The following CDH20 variants were observed in gnomAD, a reference collection of about 807,000 sequenced individuals.
CDH20 encodes cadherin 20, also known as cadherin-20.
Under a neutral mutation model 74.2 loss-of-function variants are expected in CDH20, and 29 were observed. That is an observed-to-expected ratio of 0.39 (90% CI 0.29 to 0.53). The LOEUF (loss-of-function observed/expected upper bound fraction) is 0.53, where lower values mean the gene tolerates loss of function less well. Among genes scored for constraint, CDH20 ranks in the 20% least tolerant of loss-of-function variants. The pLI, the probability that CDH20 is intolerant of heterozygous loss-of-function variation, is 0.69. For synonymous variants in CDH20, 469 were observed against 405.4 expected, an observed-to-expected ratio of 1.16 and a Z score of -1.88; for missense variants, 988 against 1,048.3, an observed-to-expected ratio of 0.94 and a Z score of 0.79.
intron 6 of CDH20, 134 bp from the exon 7 acceptor site, chr18:61,527,833 G>A (rs1005818755): frequency 4.0e-5 from 32 of 801,102 alleles, no homozygotes; most frequent in African/African-American, 3.3e-4. Flanking sequence ...CTTCTTTCCC[G>A]TTTACCTTTT....
chr18:61,530,043 C>A (rs958724065), intron 7 of CDH20, among the ~76,000 whole-genome samples: 12 of 152,148 alleles, frequency 7.9e-5, no homozygotes, highest in African/African-American at 2.9e-4. Context: ...TTGGTGAGAA[C>A]AAGGCCACAA....
chr18:61,476,866 T>C (rs1182403510), intron 1 of CDH20, among the ~76,000 whole-genome samples: 1 of 152,176 alleles, frequency 6.6e-6, no homozygotes, highest in Non-Finnish European at 1.5e-5. Context: ...ATAAGTCCTT[T>C]GTTAACATAG....
chr18:61,435,187 T>TC (rs1908791040), intron 1 of CDH20, among the ~76,000 whole-genome samples: 1 of 152,120 alleles, frequency 6.6e-6, no homozygotes, highest in Admixed American at 6.5e-5. Flanking sequence ...CCATCTGGGT[T>TC]CACACCCTGG....
chr18:61,378,487 C>T (rs924477340), intron 1 of CDH20, among the ~76,000 whole-genome samples: 5 of 152,166 alleles, frequency 3.3e-5, no homozygotes, highest in Admixed American at 2.0e-4. Flanking sequence ...GATGCCTGCT[C>T]GCGTTGGACA....
intron 1 of CDH20, among the ~76,000 whole-genome samples, chr18:61,431,965 G>A (rs1913269775): frequency 6.6e-6 from 1 of 151,984 alleles, no homozygotes; most frequent in South Asian, 2.1e-4. Flanking sequence ...GGCAGGACAT[G>A]GTGACTCACA....
At chr18:61,340,841 A>T (rs146831155) in intron 1 of CDH20, among the ~76,000 whole-genome samples, 28 of 152,390 alleles carry the variant, frequency 1.8e-4, no homozygotes, top group African/African-American at 6.5e-4. Context: ...AATTGGATAA[A>T]GAAATTTCAT....
At chr18:61,354,119 G>A (rs1000608836) in intron 1 of CDH20, among the ~76,000 whole-genome samples, 2 of 152,042 alleles carry the variant, frequency 1.3e-5, no homozygotes, top group Non-Finnish European at 2.9e-5. Flanking sequence ...ACATTTCCAG[G>A]GCACAGCAGC....
intron 1 of CDH20, among the ~76,000 whole-genome samples, chr18:61,483,074 G>T (rs1318929777): frequency 6.6e-6 from 1 of 152,060 alleles, no homozygotes; most frequent in Non-Finnish European, 1.5e-5. Context: ...TCAGGGTCTA[G>T]TTCATATGTT....
rs566888266 is a variant in CDH20, at chr18:61,353,834, C to T, written c.-153+20007C>T. Among the ~76,000 whole-genome samples, 1 of 152,192 alleles carries T rather than the reference C, an allele frequency of 6.6e-6. No homozygotes were observed. The highest frequency in any genetic ancestry group is 1.5e-5 in the Non-Finnish European group (1 of 68,014). On this transcript the variant is annotated intron_variant, in intron 1 of 11. Transcript: ENST00000262717. The surrounding 1 kb of genome is among the most constrained non-coding windows in gnomAD (Gnocchi z 4.6). ...TGGTGGCTCATGCCTGTAATCCCAG[C>T]ATTTTAGGAGGCCGGGGCGGTTGGA...
At position 61,550,178 on chromosome 18, in the gene CDH20, T is replaced by C. The variant is rs1913383229; in HGVS notation, c.1849T>C (p.Leu617=). 2 of 1,614,128 alleles carry C rather than the reference T, an allele frequency of 1.2e-6. No homozygotes were observed. Among genetic ancestry groups the C allele is most frequent in the Non-Finnish European group, 1.7e-6 (2 of 1,180,048 alleles). ...SPEAYMLPVS[L]SRGALIAILA... ...AGAGGCCTACATGCTCCCAGTCAGT[T>C]TGAGCCGGGGCGCCCTCATTGCCAT... Residue 617 remains leucine (L), a synonymous_variant, in exon 11 of 12, where the codon TTG becomes CTG. Coordinates refer to ENST00000262717, the MANE Select transcript of CDH20 (RefSeq NM_031891.4).
Position 61,554,578 on chromosome 18 carries a change from G to A in CDH20, c.2289G>A (p.Leu763=). ...DGSVAGSLSS[L]QSATSDSEQS... Reference sequence around the variant, plus strand: ...CTGTGGCGGGGTCGCTGAGCTCCCTGCAGTCGGCCACGTCGGACTCGGAAC... The same window carrying A: ...CTGTGGCGGGGTCGCTGAGCTCCCTACAGTCGGCCACGTCGGACTCGGAAC... Residue 763 remains leucine, a synonymous_variant, in exon 12 of 12, where the codon CTG becomes CTA. Transcript: ENST00000262717. The A allele has an allele frequency of 6.2e-7, 1 of 1,609,468 alleles. No individual in the cohort carries two copies. The highest frequency in any genetic ancestry group is 8.5e-7 in the Non-Finnish European group (1 of 1,178,366).
intron 1 of CDH20, among the ~76,000 whole-genome samples, chr18:61,438,649 G>A (rs992541899): frequency 2.6e-5 from 4 of 152,130 alleles, no homozygotes; most frequent in African/African-American, 7.2e-5. Flanking sequence ...CTTATATATT[G>A]TTAGTGGGAA....
At chr18:61,497,100 AAAG>A (rs201687976) in intron 2 of CDH20, among the ~76,000 whole-genome samples, 47 of 137,748 alleles carry the variant, frequency 3.4e-4, no homozygotes, top group Middle Eastern at 3.6e-3. Flanking sequence ...TAAAAAAAAA[AAAG>A]AAAGAAAGAA....
intron 1 of CDH20, among the ~76,000 whole-genome samples, chr18:61,373,111 T>C (rs1911099228): frequency 6.6e-6 from 1 of 152,048 alleles, no homozygotes; most frequent in South Asian, 2.1e-4. Flanking sequence ...CTTTCGTTTT[T>C]CTTATGCAAA....
intron 1 of CDH20, among the ~76,000 whole-genome samples, chr18:61,434,968 T>G (rs1908783918): frequency 6.6e-6 from 1 of 152,154 alleles, no homozygotes; most frequent in Admixed American, 6.5e-5. Context: ...ACCCTTTTAT[T>G]ATGACAGTGT....
intron 1 of CDH20, among the ~76,000 whole-genome samples, chr18:61,388,076 C>T (rs1911660543): frequency 6.6e-6 from 1 of 152,096 alleles, no homozygotes. Flanking sequence ...GAGTGCTATA[C>T]CTACAGTGCA....
intron 1 of CDH20, among the ~76,000 whole-genome samples, chr18:61,402,568 T>G (rs953590884): frequency 2.0e-5 from 3 of 152,230 alleles, no homozygotes. Context: ...AAGCACCATA[T>G]GAATAACCTG....
intron 6 of CDH20, among the ~76,000 whole-genome samples, chr18:61,523,302 C>G (rs1912276370): frequency 6.6e-6 from 1 of 151,602 alleles, no homozygotes; most frequent in Non-Finnish European, 1.5e-5. Context: ...ATGCAGCCAA[C>G]AAACATGAAA....
intron 1 of CDH20, among the ~76,000 whole-genome samples, chr18:61,364,794 A>G (rs1427153564): frequency 6.6e-6 from 1 of 152,208 alleles, no homozygotes; most frequent in Non-Finnish European, 1.5e-5. Flanking sequence ...CAGCACTGTG[A>G]GCCAAATAAC....
Sources: gnomAD v4.1 joint callset for allele counts (sites outside exome capture counted in the v4.1 genomes callset) on GRCh38, gnomAD v4.1.1 for gene constraint, Gnocchi (gnomAD v3.1) non-coding constraint, MANE v1.5 for transcripts, NCBI Gene and HGNC (gene_info 2026-07-23, HGNC 2026-07-21) for gene names.